Variants in NELL1 observed in about 807,000 individuals in gnomAD.
The protein encoded by NELL1 is protein kinase C-binding protein NELL1.
Under a neutral mutation model 107.4 loss-of-function variants are expected in NELL1, and 76 were observed. That is an observed-to-expected ratio of 0.71 (90% CI 0.59 to 0.86). NELL1 has a LOEUF of 0.86. Among genes scored for constraint, NELL1 ranks in the 40% least tolerant of loss-of-function variants. The pLI is 0.00. For missense variants in NELL1, 1,024 were observed against 1,005.5 expected, an observed-to-expected ratio of 1.02 and a Z score of -0.25; for synonymous variants, 353 against 341.2, an observed-to-expected ratio of 1.03 and a Z score of -0.38.
intron 12 of NELL1, among the ~76,000 whole-genome samples, chr11:21,080,920 CAG>C (rs1313561809): frequency 1.3e-5 from 2 of 151,984 alleles, no homozygotes; most frequent in African/African-American, 2.4e-5. Context: ...CACACACACA[CAG>C]AGATAAAATG....
chr11:20,902,791 T>G (rs1445086838), intron 5 of NELL1, among the ~76,000 whole-genome samples: 3 of 151,888 alleles, frequency 2.0e-5, no homozygotes, highest in African/African-American at 7.3e-5. Context: ...TCAGTGAAAT[T>G]GAACAAAAAT....
chr11:21,199,383 C>T (rs926511480), intron 13 of NELL1, among the ~76,000 whole-genome samples: 5 of 152,106 alleles, frequency 3.3e-5, no homozygotes, highest in African/African-American at 1.2e-4. Context: ...TTCCTAAGCT[C>T]CAGGGGCTTT....
chr11:21,338,130 G>C (rs890421157), intron 14 of NELL1, among the ~76,000 whole-genome samples: 1 of 152,016 alleles, frequency 6.6e-6, no homozygotes, highest in Non-Finnish European at 1.5e-5. Flanking sequence ...TGAGAGAGAT[G>C]TGATGTACAG....
chr11:20,685,054 A>G (rs968813890), intron 2 of NELL1, among the ~76,000 whole-genome samples: 3 of 151,634 alleles, frequency 2.0e-5, no homozygotes, highest in African/African-American at 4.8e-5. Flanking sequence ...TTGTGCTGCT[A>G]TCTTCTCTTG....
chr11:21,167,320 A>G (rs573458373), intron 13 of NELL1, among the ~76,000 whole-genome samples: 4 of 151,922 alleles, frequency 2.6e-5, no homozygotes, highest in Admixed American at 2.0e-4. Context: ...CCACAGTGCC[A>G]GGATTGTGTT....
chr11:20,675,689 A>G (rs1221886561), intron 1 of NELL1, among the ~76,000 whole-genome samples: 1 of 152,190 alleles, frequency 6.6e-6, no homozygotes, highest in African/African-American at 2.4e-5. Context: ...CAGAATTAGA[A>G]TAACATCCAA....
intron 3 of NELL1, among the ~76,000 whole-genome samples, chr11:20,795,138 A>G (rs1024386862): frequency 1.3e-5 from 2 of 152,218 alleles, no homozygotes; most frequent in Admixed American, 1.3e-4. Flanking sequence ...GTGGGAACCC[A>G]GTAGCCAGAG....
intron 13 of NELL1, among the ~76,000 whole-genome samples, chr11:21,160,724 A>C (rs1856345911): frequency 6.6e-6 from 1 of 152,316 alleles, no homozygotes; most frequent in Non-Finnish European, 1.5e-5. Flanking sequence ...TCAAGGCAAA[A>C]GAACCTAGGC....
At chr11:21,543,337 A>G (rs553444840) in intron 16 of NELL1, among the ~76,000 whole-genome samples, 3 of 152,152 alleles carry the variant, frequency 2.0e-5, no homozygotes, top group East Asian at 1.9e-4. Flanking sequence ...ATGGAACTGT[A>G]AGGAATCAAT....
At chr11:20,958,233 C>T (rs1252942223) in intron 11 of NELL1, among the ~76,000 whole-genome samples, 1 of 151,944 alleles carries the variant, frequency 6.6e-6, no homozygotes, top group Non-Finnish European at 1.5e-5. Flanking sequence ...GCCTGGGCAA[C>T]ATAGTGAGAC....
At chr11:20,793,965 T>G (rs1857123250) in intron 3 of NELL1, among the ~76,000 whole-genome samples, 1 of 152,252 alleles carries the variant, frequency 6.6e-6, no homozygotes, top group South Asian at 2.1e-4. Context: ...ACTTTATATG[T>G]AGCAACTTTG....
At chr11:20,746,815 G>A (rs1438500298) in intron 2 of NELL1, among the ~76,000 whole-genome samples, 1 of 152,112 alleles carries the variant, frequency 6.6e-6, no homozygotes, top group Non-Finnish European at 1.5e-5. Flanking sequence ...ACGATACACA[G>A]CTTCCCAGGT....
chr11:21,000,652 G>A (rs1467887445), intron 12 of NELL1, among the ~76,000 whole-genome samples: 3 of 152,316 alleles, frequency 2.0e-5, no homozygotes, highest in African/African-American at 4.8e-5. Context: ...ACATTTGACC[G>A]GGATTTATAT....
chr11:21,499,862 T>C (rs1430648528), intron 15 of NELL1, among the ~76,000 whole-genome samples: 1 of 152,086 alleles, frequency 6.6e-6, no homozygotes, highest in African/African-American at 2.4e-5. Flanking sequence ...ACCAGTCTTA[T>C]TACATTTCAA....
intron 2 of NELL1, among the ~76,000 whole-genome samples, chr11:20,728,343 G>A (rs1466600206): frequency 6.6e-5 from 10 of 151,998 alleles, no homozygotes; most frequent in Non-Finnish European, 1.3e-4. Flanking sequence ...TGTTTTTGTT[G>A]TAATTGCATT....
intron 15 of NELL1, among the ~76,000 whole-genome samples, chr11:21,513,628 T>C (rs1488873330): frequency 6.6e-6 from 1 of 152,138 alleles, no homozygotes; most frequent in Non-Finnish European, 1.5e-5. Flanking sequence ...TAAGCTAAAA[T>C]AGAATGAAAT....
intron 14 of NELL1, among the ~76,000 whole-genome samples, chr11:21,346,062 G>C (rs1850677349): frequency 6.6e-6 from 1 of 152,106 alleles, no homozygotes; most frequent in Non-Finnish European, 1.5e-5. Context: ...AGTCAAACTG[G>C]CTTAAGATCA....
intron 15 of NELL1, among the ~76,000 whole-genome samples, chr11:21,379,755 T>G (rs1483544750): frequency 6.6e-6 from 1 of 152,096 alleles, no homozygotes; most frequent in Non-Finnish European, 1.5e-5. Context: ...CTTGCAGGTA[T>G]GTAGACAGAG....
intron 12 of NELL1, among the ~76,000 whole-genome samples, chr11:20,988,253 C>T (rs182412275): frequency 2.0e-4 from 30 of 152,162 alleles, no homozygotes; most frequent in African/African-American, 7.2e-4. Context: ...AGTTCATCAT[C>T]TGAATCAGAA....
Sources: allele counts gnomAD v4.1 joint callset (sites outside exome capture counted in the v4.1 genomes callset), GRCh38; gene constraint gnomAD v4.1.1; transcripts MANE v1.5; gene names NCBI Gene and HGNC (gene_info 2026-07-23, HGNC 2026-07-21).